BRINP2: variants seen among roughly 807,000 people sequenced by gnomAD.
BRINP2 encodes the protein BMP/retinoic acid inducible neural specific 2, also known as BMP/retinoic acid-inducible neural-specific protein 2.
Under a neutral mutation model 69.2 loss-of-function variants are expected in BRINP2, and 21 were observed. The ratio of observed to expected loss-of-function variants is 0.30; its 90% CI spans 0.22 to 0.44. The LOEUF (loss-of-function observed/expected upper bound fraction) is 0.44, where lower values mean the gene tolerates loss of function less well. BRINP2 is among the 20% of genes least tolerant of loss of function. BRINP2 has a pLI of 1.00. For missense variants in BRINP2, 877 were observed against 986.0 expected, an observed-to-expected ratio of 0.89 and a Z score of 1.48; for synonymous variants, 380 against 394.1, an observed-to-expected ratio of 0.96 and a Z score of 0.42.
intron 1 of BRINP2, among the ~76,000 whole-genome samples, chr1:177,173,393 C>T (rs949954322): frequency 1.7e-4 from 26 of 152,190 alleles, no homozygotes; most frequent in African/African-American, 5.3e-4. Flanking sequence ...GGTCAGCTGG[C>T]GCCAAAGTGT....
chr1:177,174,766 A>T (rs1648038082), intron 1 of BRINP2, among the ~76,000 whole-genome samples: 1 of 152,200 alleles, frequency 6.6e-6, no homozygotes, highest in Admixed American at 6.5e-5. Context: ...GAAATACCAT[A>T]CACCTGGTTA....
chr1:177,239,130 T>C (rs529001851), intron 2 of BRINP2, among the ~76,000 whole-genome samples: 2 of 152,344 alleles, frequency 1.3e-5, no homozygotes, highest in African/African-American at 4.8e-5. Flanking sequence ...TCTTTGTCCT[T>C]CTTTCTTTAG....
intron 6 of BRINP2, among the ~76,000 whole-genome samples, chr1:177,276,714 T>C (rs1368588401): frequency 6.6e-6 from 1 of 152,254 alleles, no homozygotes; most frequent in Non-Finnish European, 1.5e-5. Context: ...TTGTTTGTCT[T>C]TTTTGCTACT....
chr1:177,270,080 G>A (rs1166403315), intron 4 of BRINP2, among the ~76,000 whole-genome samples: 1 of 87,322 alleles, frequency 1.1e-5, no homozygotes, highest in South Asian at 5.2e-4. Flanking sequence ...TGGGGCAAGG[G>A]GTGGGGGGGG....
Position 177,224,127 on chromosome 1 carries a change from TA to T in BRINP2, c.-76-5669del, listed in dbSNP as rs1422147689. 2.6e-5 allele frequency among the ~76,000 whole-genome samples: 4 copies of T among 152,300 alleles called. No individual in the cohort carries two copies. In the East Asian group the frequency reaches 7.7e-4, roughly 29 times the overall value. On this transcript the variant is annotated intron_variant, in intron 1 of 7. Coordinates refer to ENST00000361539, the MANE Select transcript of BRINP2 (RefSeq NM_021165.4). ...TCTCCTATCTACCCTCCCTTTCTTG[TA>T]AAAACAGGAGGTTTTGCATCAAGAT...
At chr1:177,190,441 C>T (rs1648553941) in intron 1 of BRINP2, among the ~76,000 whole-genome samples, 1 of 152,212 alleles carries the variant, frequency 6.6e-6, no homozygotes. Flanking sequence ...TGTCGCACTT[C>T]TCTGCAATCT....
At chr1:177,199,132 C>G (rs941472589) in intron 1 of BRINP2, among the ~76,000 whole-genome samples, 2 of 152,254 alleles carry the variant, frequency 1.3e-5, no homozygotes, top group South Asian at 4.2e-4. Context: ...GATCTTTGAC[C>G]TATTTTAAGA....
chr1:177,225,478 A>C (rs569908814), intron 1 of BRINP2, among the ~76,000 whole-genome samples: 3 of 152,348 alleles, frequency 2.0e-5, no homozygotes, highest in South Asian at 2.1e-4. Flanking sequence ...ATGGAGGCTT[A>C]CTTATGCAGT....
intron 1 of BRINP2, among the ~76,000 whole-genome samples, chr1:177,222,728 C>CA (rs950782809): frequency 2.7e-5 from 4 of 150,688 alleles, no homozygotes; most frequent in African/African-American, 9.8e-5. Flanking sequence ...AAAAAACAAA[C>CA]AAAAAAACAG....
chr1:177,255,113 A>T lies in BRINP2; in HGVS notation c.270-806A>T, dbSNP rs543400732. The stretch of plus-strand genomic sequence containing the variant: ...ACCTTTAAGAAACTACCATCTGTTT[A>T]GTTTAGTGTAGTACCAAAGATGAAA... On this transcript the variant is annotated intron_variant, in intron 2 of 7. Coordinates refer to ENST00000361539, the MANE Select transcript of BRINP2 (RefSeq NM_021165.4). Among the ~76,000 whole-genome samples the T allele has an allele frequency of 1.0e-3, 154 of 152,358 alleles. No individual in the cohort carries two copies. In the Middle Eastern group the frequency reaches 0.02, roughly 20 times the overall value.
At chr1:177,206,781 T>C (rs1415882275) in intron 1 of BRINP2, among the ~76,000 whole-genome samples, 1 of 152,050 alleles carries the variant, frequency 6.6e-6, no homozygotes, top group East Asian at 1.9e-4. Context: ...CGTTGGCAAA[T>C]GAGGCTTCAG....
At chr1:177,237,702 T>C (rs1650073080) in intron 2 of BRINP2, among the ~76,000 whole-genome samples, 1 of 152,188 alleles carries the variant, frequency 6.6e-6, no homozygotes, top group Non-Finnish European at 1.5e-5. Context: ...CTTGAGTCAG[T>C]CAGGCAAAGG....
chr1:177,225,399 C>T (rs1217849537), intron 1 of BRINP2, among the ~76,000 whole-genome samples: 4 of 152,192 alleles, frequency 2.6e-5, no homozygotes, highest in African/African-American at 9.6e-5. Context: ...TTGGCTTTCA[C>T]TAGTAAATTT....
chr1:177,228,047 C>T (rs970320438), intron 1 of BRINP2, among the ~76,000 whole-genome samples: 3 of 152,170 alleles, frequency 2.0e-5, no homozygotes, highest in African/African-American at 7.2e-5. Flanking sequence ...GGTCATGGAG[C>T]CAGACCTAGG....
At position 177,257,236 on chromosome 1, in the gene BRINP2, C is replaced by T; in HGVS notation, c.521C>T (p.Thr174Ile). 1 of 1,614,092 alleles carries T rather than the reference C, an allele frequency of 6.2e-7. No homozygotes were observed. Among genetic ancestry groups the T allele is most frequent in the Non-Finnish European group, 8.5e-7 (1 of 1,180,024 alleles). The change falls in exon 4 of 8, where the codon ACA (threonine) becomes ATA (isoleucine). Residue 174 changes from threonine (T) to isoleucine (I), a missense_variant. Physicochemically the swap from Thr to Ile is moderately conservative, Grantham distance 89. Around this residue, in one of 3 missense-constraint regions of BRINP2, gnomAD observed 566 missense variants for 625.2 expected, o/e 0.91. Coordinates refer to ENST00000361539, the MANE Select transcript of BRINP2 (RefSeq NM_021165.4). ...KQKLGRKTET[T>I]GGASIIGGSG... is the part of the protein sequence containing the mutation. ...AAACTGGGAAGAAAGACAGAGACAA[C>T]AGGAGGTGCCTCTATAATCGGGGGC...
At chr1:177,188,334 C>T (rs749638168) in intron 1 of BRINP2, among the ~76,000 whole-genome samples, 9 of 152,040 alleles carry the variant, frequency 5.9e-5, no homozygotes, top group South Asian at 2.1e-4. Flanking sequence ...AAATAGAACC[C>T]GTGCCCTTGT....
chr1:177,228,826 C>G (rs961936302), intron 1 of BRINP2, among the ~76,000 whole-genome samples: 4 of 152,152 alleles, frequency 2.6e-5, no homozygotes, highest in Admixed American at 2.6e-4. Flanking sequence ...AAAGAGTAGG[C>G]ACTGGAAATC....
At chr1:177,179,195 G>A (rs556745111) in intron 1 of BRINP2, among the ~76,000 whole-genome samples, 1 of 151,778 alleles carries the variant, frequency 6.6e-6, no homozygotes, top group East Asian at 1.9e-4. Flanking sequence ...TGATAATGAA[G>A]AAGATAAAAT....
At chr1:177,197,285 C>G (rs981679805) in intron 1 of BRINP2, among the ~76,000 whole-genome samples, 3 of 152,086 alleles carry the variant, frequency 2.0e-5, no homozygotes, top group Middle Eastern at 3.2e-3. Flanking sequence ...GTGCTACACA[C>G]TTTTAAACAA....
Sources: gnomAD v4.1 joint callset for allele counts (sites outside exome capture counted in the v4.1 genomes callset) on GRCh38, gnomAD v4.1.1 for gene constraint, gnomAD v4.1.1 regional missense constraint, MANE v1.5 for transcripts, NCBI Gene and HGNC (gene_info 2026-07-23, HGNC 2026-07-21) for gene names.